The following FRMD5 variants were observed in gnomAD, a reference collection of about 807,000 sequenced individuals.
FRMD5 encodes FERM domain-containing protein 5.
Under a neutral mutation model 69.0 loss-of-function variants are expected in FRMD5, and 20 were observed. The ratio of observed to expected loss-of-function variants is 0.29; its 90% CI spans 0.20 to 0.42. FRMD5 has a LOEUF of 0.42. Ranked by LOEUF, FRMD5 falls within the 10% of genes least tolerant of loss-of-function variation. The pLI is 1.00. For missense variants in FRMD5, 595 were observed against 708.6 expected, an observed-to-expected ratio of 0.84 and a Z score of 1.82; for synonymous variants, 271 against 260.1, an observed-to-expected ratio of 1.04 and a Z score of -0.40.
At chr15:43,995,756 A>G (rs1253498549) in intron 1 of FRMD5, among the ~76,000 whole-genome samples, 1 of 151,956 alleles carries the variant, frequency 6.6e-6, no homozygotes, top group Non-Finnish European at 1.5e-5. Context: ...GACTGGGTCC[A>G]TGGGGATATG....
chr15:44,015,057 T>G (rs1392397461), intron 1 of FRMD5, among the ~76,000 whole-genome samples: 3 of 152,138 alleles, frequency 2.0e-5, no homozygotes. Context: ...AAAAAAACTA[T>G]GCCTAACCTT....
chr15:43,957,071 T>C (rs1324448848), intron 1 of FRMD5, among the ~76,000 whole-genome samples: 1 of 152,236 alleles, frequency 6.6e-6, no homozygotes, highest in African/African-American at 2.4e-5. Context: ...CGTTTTATAA[T>C]TTGCAAAGTA....
At chr15:43,975,378 C>T (rs963269507) in intron 1 of FRMD5, among the ~76,000 whole-genome samples, 3 of 152,182 alleles carry the variant, frequency 2.0e-5, no homozygotes, top group South Asian at 2.1e-4. Context: ...ACAAAATAGA[C>T]GAAACATAAG....
intron 1 of FRMD5, among the ~76,000 whole-genome samples, chr15:44,090,978 G>A (rs1356406321): frequency 6.6e-6 from 1 of 152,146 alleles, no homozygotes; most frequent in Admixed American, 6.5e-5. Context: ...TGGGGACCCT[G>A]CACAAAGAGC....
chr15:44,163,680 G>T (rs2077659689), intron 1 of FRMD5, among the ~76,000 whole-genome samples: 1 of 152,150 alleles, frequency 6.6e-6, no homozygotes, highest in Non-Finnish European at 1.5e-5. Context: ...AAATCTGCAT[G>T]AAACAAAACG....
intron 1 of FRMD5, among the ~76,000 whole-genome samples, chr15:43,964,719 T>C (rs1212440976): frequency 1.3e-5 from 2 of 152,226 alleles, no homozygotes; most frequent in East Asian, 1.9e-4. Flanking sequence ...ACAATTTTCT[T>C]GTGACCTTGC....
chr15:44,063,929 A>T (rs1893202614), intron 1 of FRMD5: 1 of 259,374 alleles, frequency 3.9e-6, no homozygotes, highest in Non-Finnish European at 7.6e-6. Context: ...CATGAGAAGT[A>T]CAAAAACGGC....
chr15:43,876,849 C>A (rs1050820555), intron 13 of FRMD5, among the ~76,000 whole-genome samples: 1 of 152,178 alleles, frequency 6.6e-6, no homozygotes, highest in Admixed American at 6.5e-5. Context: ...CTTCAGAGCA[C>A]AAAACAGTTT....
At chr15:43,997,060 T>G (rs1889966287) in intron 1 of FRMD5, among the ~76,000 whole-genome samples, 1 of 152,278 alleles carries the variant, frequency 6.6e-6, no homozygotes, top group Admixed American at 6.5e-5. Context: ...TCAGGTATAC[T>G]CTAGTCATGA....
chr15:43,885,249 T>A (rs1397935108), intron 11 of FRMD5: 2 of 224,376 alleles, frequency 8.9e-6, no homozygotes, highest in Admixed American at 5.0e-5. Context: ...CATGGCTCAC[T>A]GCAGCCTCGA....
chr15:43,970,747 C>T (rs1389683311), intron 1 of FRMD5, among the ~76,000 whole-genome samples: 1 of 152,226 alleles, frequency 6.6e-6, no homozygotes, highest in African/African-American at 2.4e-5. Context: ...GCCACCGTAC[C>T]TGCCATACCC....
intron 1 of FRMD5, among the ~76,000 whole-genome samples, chr15:43,926,339 C>T (rs1344297870): frequency 6.6e-6 from 1 of 152,074 alleles, no homozygotes; most frequent in Non-Finnish European, 1.5e-5. Flanking sequence ...GGGTCTATGT[C>T]TAATTTTGCA....
chr15:44,081,343 G>C (rs1893989112), intron 1 of FRMD5, among the ~76,000 whole-genome samples: 1 of 152,070 alleles, frequency 6.6e-6, no homozygotes, highest in Non-Finnish European at 1.5e-5. Context: ...CCTCAACTAT[G>C]AACTTGGGAA....
chr15:44,146,106 G>C (rs890673211), intron 1 of FRMD5, among the ~76,000 whole-genome samples: 1 of 152,030 alleles, frequency 6.6e-6, no homozygotes, highest in South Asian at 2.1e-4. Context: ...CATCACCTAG[G>C]TATTAAGCCC....
chr15:44,159,489 C>T (rs1378364181), intron 1 of FRMD5, among the ~76,000 whole-genome samples: 1 of 152,050 alleles, frequency 6.6e-6, no homozygotes, highest in Non-Finnish European at 1.5e-5. Flanking sequence ...GGCAGTGAGA[C>T]AAAAGGAATG....
intron 1 of FRMD5, among the ~76,000 whole-genome samples, chr15:44,041,161 T>A (rs1225322053): frequency 6.6e-6 from 1 of 151,916 alleles, no homozygotes; most frequent in Non-Finnish European, 1.5e-5. Flanking sequence ...ATCCTAAATA[T>A]ACATGTACCC....
intron 1 of FRMD5, among the ~76,000 whole-genome samples, chr15:44,079,557 A>G (rs1260850889): frequency 6.6e-6 from 1 of 152,090 alleles, no homozygotes; most frequent in East Asian, 1.9e-4. Flanking sequence ...CATCTGGGTA[A>G]GTATACCCAT....
chr15:44,124,519 G>GA (rs2076999449), intron 1 of FRMD5, among the ~76,000 whole-genome samples: 1 of 151,538 alleles, frequency 6.6e-6, no homozygotes, highest in South Asian at 2.1e-4. Context: ...CTAACACGGC[G>GA]AAACCCTGTC....
chr15:44,157,947 T>C (rs1262642315), intron 1 of FRMD5, among the ~76,000 whole-genome samples: 1 of 152,208 alleles, frequency 6.6e-6, no homozygotes, highest in Admixed American at 6.5e-5. Context: ...TCCCCTTGAT[T>C]CAATCTCTTG....
Sources: gnomAD v4.1 joint callset for allele counts (sites outside exome capture counted in the v4.1 genomes callset) on GRCh38, gnomAD v4.1.1 for gene constraint, MANE v1.5 for transcripts, NCBI Gene and HGNC (gene_info 2026-07-23, HGNC 2026-07-21) for gene names.